The following SPECC1 variants were observed in gnomAD, a reference collection of about 807,000 sequenced individuals.
The protein encoded by SPECC1 is cytospin-B.
A neutral mutation model predicts 104.1 loss-of-function variants in SPECC1; 62 were observed. The observed-to-expected ratio is 0.60, with a 90% CI of 0.49 to 0.74. The LOEUF (loss-of-function observed/expected upper bound fraction) is 0.74. Ranked by LOEUF, SPECC1 falls within the 30% of genes least tolerant of loss-of-function variation. The pLI is 0.00. For missense variants in SPECC1, 1,306 were observed against 1,310.5 expected (o/e 1.00, Z 0.05); for synonymous variants, 513 against 501.6 (o/e 1.02, Z -0.30).
At chr17:20,018,188 A>C (rs1567795432) in intron 1 of SPECC1, 1 of 152,214 alleles carries the variant, frequency 6.6e-6, no homozygotes, top group Admixed American at 6.5e-5. Flanking sequence ...TTCCTTCTGC[A>C]TAACAGCCTC....
chr17:20,180,077 G>A (rs1300793925), intron 3 of SPECC1, among the ~76,000 whole-genome samples: 2 of 152,162 alleles, frequency 1.3e-5, no homozygotes, highest in Non-Finnish European at 2.9e-5. Flanking sequence ...AAGAGTGTTA[G>A]AAATGGCAGG....
intron 3 of SPECC1, among the ~76,000 whole-genome samples, chr17:20,183,098 G>C (rs762334363): frequency 1.3e-5 from 2 of 152,176 alleles, no homozygotes; most frequent in South Asian, 4.1e-4. Context: ...AGTAGGTATA[G>C]GGTGATGAGC....
intron 12 of SPECC1, among the ~76,000 whole-genome samples, chr17:20,283,545 C>A (rs1383936502): frequency 6.6e-6 from 1 of 152,136 alleles, no homozygotes; most frequent in Non-Finnish European, 1.5e-5. Context: ...ATTTCCTCTT[C>A]AGTACATTAC....
intron 3 of SPECC1, among the ~76,000 whole-genome samples, chr17:20,163,529 T>TTA (rs2033360680): frequency 1.3e-5 from 2 of 152,156 alleles, no homozygotes; most frequent in Admixed American, 6.6e-5. Flanking sequence ...TTAAGTCCTC[T>TTA]TATATATTCC....
At chr17:20,025,967 A>T (rs2044583564) in intron 1 of SPECC1, among the ~76,000 whole-genome samples, 1 of 152,098 alleles carries the variant, frequency 6.6e-6, no homozygotes, top group African/African-American at 2.4e-5. Context: ...ATGACTAGTG[A>T]TGTTGAGCAT....
At chr17:20,063,464 C>A (rs1245618885) in intron 1 of SPECC1, among the ~76,000 whole-genome samples, 1 of 152,162 alleles carries the variant, frequency 6.6e-6, no homozygotes, top group South Asian at 2.1e-4. Context: ...TTAGTCCTTT[C>A]AAAGCATCAG....
At chr17:20,021,743 G>A (rs1398278216) in intron 1 of SPECC1, among the ~76,000 whole-genome samples, 1 of 143,266 alleles carries the variant, frequency 7.0e-6, no homozygotes, top group Non-Finnish European at 1.5e-5. Flanking sequence ...TCACTGTGTC[G>A]GCCAGGATGG....
At chr17:20,156,089 C>G in intron 3 of SPECC1, 1 of 1,339,780 alleles carries the variant, frequency 7.5e-7, no homozygotes, top group Non-Finnish European at 9.6e-7. Flanking sequence ...TTGACTGGAG[C>G]GGACCCGCCG....
intron 3 of SPECC1, among the ~76,000 whole-genome samples, chr17:20,147,855 G>A (rs933651673): frequency 1.3e-5 from 2 of 152,292 alleles, no homozygotes; most frequent in South Asian, 4.1e-4. Flanking sequence ...GGGCAACATA[G>A]TGAGATCCCA....
chr17:20,203,650 G>T (rs2036578786), intron 3 of SPECC1, among the ~76,000 whole-genome samples: 1 of 152,130 alleles, frequency 6.6e-6, no homozygotes, highest in Admixed American at 6.5e-5. Flanking sequence ...AATTTATGCT[G>T]TCAAAATATG....
intron 9 of SPECC1, among the ~76,000 whole-genome samples, chr17:20,247,889 T>A (rs2039483442): frequency 6.6e-6 from 1 of 152,216 alleles, no homozygotes; most frequent in Admixed American, 6.5e-5. Flanking sequence ...ATTTTGGTAC[T>A]GAGGGCTGGA....
chr17:20,053,986 C>T (rs2045871439), intron 1 of SPECC1, among the ~76,000 whole-genome samples: 1 of 152,154 alleles, frequency 6.6e-6, no homozygotes, highest in Non-Finnish European at 1.5e-5. Context: ...ACTCCTTCCT[C>T]TCCAAGATAC....
intron 1 of SPECC1, among the ~76,000 whole-genome samples, chr17:20,031,039 G>A (rs182611705): frequency 6.6e-6 from 1 of 152,270 alleles, no homozygotes; most frequent in Admixed American, 6.5e-5. Context: ...CTGTCGCCCA[G>A]GCTGGAATTC....
intron 3 of SPECC1, among the ~76,000 whole-genome samples, chr17:20,140,412 A>G (rs1260371566): frequency 3.9e-5 from 6 of 152,206 alleles, no homozygotes; most frequent in Admixed American, 2.0e-4. Context: ...ATATTCCTCT[A>G]TTATAATTGC....
chr17:20,019,901 A>C (rs1452307311), intron 1 of SPECC1, among the ~76,000 whole-genome samples: 1 of 152,108 alleles, frequency 6.6e-6, no homozygotes, highest in African/African-American at 2.4e-5. Flanking sequence ...TTTATTGGAT[A>C]GTTTTTGTTG....
chr17:20,252,793 C>T (rs953367757), intron 9 of SPECC1, among the ~76,000 whole-genome samples: 3 of 152,162 alleles, frequency 2.0e-5, no homozygotes, highest in Admixed American at 6.6e-5. Flanking sequence ...GTTGCTTCCA[C>T]GTCTTGGCTG....
At chr17:20,209,623 A>G (rs1438815186) in intron 4 of SPECC1, among the ~76,000 whole-genome samples, 1 of 151,930 alleles carries the variant, frequency 6.6e-6, no homozygotes, top group African/African-American at 2.4e-5. Flanking sequence ...GATATACCCC[A>G]TATGCATCTT....
chr17:20,023,471 C>G (rs553310683), intron 1 of SPECC1, among the ~76,000 whole-genome samples: 25 of 152,076 alleles, frequency 1.6e-4, no homozygotes, highest in Admixed American at 5.2e-4. Context: ...AGGGAGCAGG[C>G]AATTACTAAA....
In SPECC1 at chr17:20,266,008, C is replaced by T. The variant is rs143750970; in HGVS notation, c.2940+5714C>T. Among the ~76,000 whole-genome samples the T allele has an allele frequency of 1.6e-3, 242 of 152,262 alleles. 2 individuals are homozygous for T. Among genetic ancestry groups the T allele is most frequent in the African/African-American group, 5.4e-3 (223 of 41,548 alleles). ...GAATATAACATGAACTCAGGCAATGCGAGTCTCCAGCTTTGATCTTCTTAC... is the reference window on the plus strand; with the variant it reads ...GAATATAACATGAACTCAGGCAATGTGAGTCTCCAGCTTTGATCTTCTTAC... On this transcript the variant is annotated intron_variant, in intron 12 of 14. Transcript: ENST00000395527.
Sources: gnomAD v4.1 joint callset for allele counts (sites outside exome capture counted in the v4.1 genomes callset) on GRCh38, gnomAD v4.1.1 for gene constraint, MANE v1.5 for transcripts, NCBI Gene and HGNC (gene_info 2026-07-23, HGNC 2026-07-21) for gene names.